Variants in AFF2 observed in about 807,000 individuals in gnomAD.
AFF2 encodes ALF transcription elongation factor 2.
A neutral mutation model predicts 76.9 loss-of-function variants in AFF2; 14 were observed. The ratio of observed to expected loss-of-function variants is 0.18; its 90% CI spans 0.12 to 0.28. AFF2 has a LOEUF of 0.28. Ranked by LOEUF, AFF2 falls within the 10% of genes least tolerant of loss-of-function variation. The probability of loss-of-function intolerance (pLI) is 1.00; values close to 1 mark genes in which losing one functional copy is unlikely to be tolerated. For missense variants in AFF2, 868 were observed against 1,001.1 expected (o/e 0.87, Z 1.79); for synonymous variants, 398 against 366.7 (o/e 1.09, Z -0.98).
Position 148,617,271 on chromosome X carries a change from C to T in AFF2, c.48-34728C>T, listed in dbSNP as rs368198687. ...ACTTTTTAATGATCGCCATTCTAAC[C>T]GGTGTGAGATGGTATCTCATTGTGG... On this transcript the variant is annotated intron_variant, in intron 1 of 20. Coordinates refer to ENST00000370460, the MANE Select transcript of AFF2 (RefSeq NM_002025.4). 8.9e-4 allele frequency among the ~76,000 whole-genome samples: 98 copies of T among 109,646 alleles called. No homozygotes were observed. The East Asian group carries it at 0.01, about 11-fold the overall frequency.
At chrX:148,794,077 C>G (rs985636773) in intron 3 of AFF2, among the ~76,000 whole-genome samples, 7 of 112,281 alleles carry the variant, frequency 6.2e-5, no homozygotes, top group Non-Finnish European at 1.3e-4. Context: ...GCCTCTGCTG[C>G]ACCTGTAGTA....
chrX:148,839,170 T>G (rs1341595377), intron 5 of AFF2, among the ~76,000 whole-genome samples: 1 of 112,355 alleles, frequency 8.9e-6, no homozygotes, highest in Admixed American at 9.4e-5. Flanking sequence ...GCTTTTATAG[T>G]TAAGTGCACA....
At chrX:148,981,025 G>C (rs1313839931) in intron 19 of AFF2, among the ~76,000 whole-genome samples, 1 of 111,994 alleles carries the variant, frequency 8.9e-6, no homozygotes, top group African/African-American at 3.3e-5. Context: ...AAAAATATCT[G>C]CTAATAAGAT....
intron 9 of AFF2, among the ~76,000 whole-genome samples, chrX:148,943,967 G>C (rs1377579269): frequency 1.8e-5 from 2 of 112,288 alleles, no homozygotes; most frequent in East Asian, 5.6e-4. Context: ...CATCACAAAA[G>C]AGATGTAGTC....
intron 3 of AFF2, among the ~76,000 whole-genome samples, chrX:148,783,560 C>T (rs1052270232): frequency 9.0e-6 from 1 of 111,729 alleles, no homozygotes; most frequent in Non-Finnish European, 1.9e-5. Flanking sequence ...TTGTTCCTCT[C>T]ATTTCTGTTA....
intron 7 of AFF2, among the ~76,000 whole-genome samples, chrX:148,882,585 A>G (rs2071110320): frequency 9.0e-6 from 1 of 111,635 alleles, no homozygotes; most frequent in Non-Finnish European, 1.9e-5. Flanking sequence ...CATTTATATG[A>G]GCAATTTTTT....
At chrX:148,702,356 C>T (rs2054810641) in intron 3 of AFF2, among the ~76,000 whole-genome samples, 1 of 111,671 alleles carries the variant, frequency 9.0e-6, no homozygotes, top group East Asian at 2.8e-4. Flanking sequence ...TTGTTGATAA[C>T]TGGGAACAAT....
rs782755335 is a variant in AFF2 at position 148,980,755 on chromosome X, C to T, written c.3588C>T (p.Val1196=). The T allele has an allele frequency of 1.8e-5, 22 of 1,197,301 alleles. No individual in the cohort carries two copies. Among genetic ancestry groups the T allele is most frequent in the Admixed American group, 1.3e-4 (6 of 45,444 alleles). ...TCTTTTAGCAAAATGCTTCAAAAGTCGCACAGATACCCTCTCCATGGGTAA... is the reference window on the plus strand; with the variant it reads ...TCTTTTAGCAAAATGCTTCAAAAGTTGCACAGATACCCTCTCCATGGGTAA... ...MEYFKQNASK[V]AQIPSPWVSN... is the part of the protein sequence containing the mutation. The change falls in exon 19 of 21, where the codon GTC becomes GTT. Residue 1196 remains valine, a synonymous_variant. Coordinates refer to ENST00000370460, the MANE Select transcript of AFF2 (RefSeq NM_002025.4).
At chrX:148,911,928 T>C (rs782504672) in intron 9 of AFF2, among the ~76,000 whole-genome samples, 1 of 112,058 alleles carries the variant, frequency 8.9e-6, no homozygotes, top group East Asian at 2.8e-4. Flanking sequence ...CGTAGAGATA[T>C]ATGCACGTGT....
In AFF2 at chrX:148,662,537, C is replaced by T; in HGVS notation, c.810C>T (p.Phe270=). 1 of 1,211,950 alleles carries T rather than the reference C, an allele frequency of 8.3e-7. No homozygotes were observed. Among genetic ancestry groups the T allele is most frequent in the Non-Finnish European group, 1.1e-6 (1 of 895,587 alleles). ...GCAGTGGCCTTTCAGTTCAAAACTT[C>T]CCACCAGGGCTTTACTGCAAAACAA... The part of the protein sequence containing the change: ...APSSGLSVQN[F]PPGLYCKTSM... Residue 270 remains phenylalanine (F), a synonymous_variant, in exon 3 of 21, where the codon TTC becomes TTT. Transcript: ENST00000370460.
chrX:148,938,126 G>A (rs1484158908), intron 9 of AFF2, among the ~76,000 whole-genome samples: 1 of 112,134 alleles, frequency 8.9e-6, no homozygotes, highest in Non-Finnish European at 1.9e-5. Flanking sequence ...GGAGTCTTAT[G>A]TATTCCCTCT....
chrX:148,818,166 CTATTTGTACATTATACATATAT>C (rs2070288795), intron 4 of AFF2, among the ~76,000 whole-genome samples: 1 of 111,635 alleles, frequency 9.0e-6, no homozygotes, highest in Non-Finnish European at 1.9e-5. Context: ...AAAATGGTTA[CTATTTGTACATTATACATATAT>C]TGTTTTCCTG....
At chrX:148,773,692 A>AGG (rs1557268278) in intron 3 of AFF2, among the ~76,000 whole-genome samples, 1 of 74,284 alleles carries the variant, frequency 1.3e-5, no homozygotes, top group East Asian at 3.5e-4. Context: ...GAAGGAAAGA[A>AGG]AGAAAGAAAG....
chrX:148,947,400 C>G (rs2071913407), intron 9 of AFF2, among the ~76,000 whole-genome samples: 1 of 112,243 alleles, frequency 8.9e-6, no homozygotes, highest in South Asian at 3.7e-4. Context: ...CTGCTGGGGA[C>G]ATAGGCTCCC....
chrX:148,565,622 T>C (rs2053161088), intron 1 of AFF2, among the ~76,000 whole-genome samples: 1 of 111,376 alleles, frequency 9.0e-6, no homozygotes, highest in African/African-American at 3.3e-5. Flanking sequence ...GGTACAAATA[T>C]AATGTGTAGC....
chrX:148,651,908 T>G, intron 1 of AFF2, 91 bp from the exon 2 acceptor site: 1 of 910,265 alleles, frequency 1.1e-6, no homozygotes, highest in Non-Finnish European at 1.5e-6. Context: ...TGACTTGAAT[T>G]TTTTTCTTAT....
chrX:148,634,284 A>G (rs782818156), intron 1 of AFF2, among the ~76,000 whole-genome samples: 2 of 111,793 alleles, frequency 1.8e-5, no homozygotes, highest in East Asian at 2.8e-4. Flanking sequence ...CTTATTATCA[A>G]TAAAATGGAT....
chrX:148,780,957 A>G (rs1256291149), intron 3 of AFF2, among the ~76,000 whole-genome samples: 2 of 111,257 alleles, frequency 1.8e-5, no homozygotes, highest in Non-Finnish European at 3.8e-5. Context: ...CTTTTTGTGG[A>G]TGTTGATGCT....
chrX:148,603,475 C>G (rs1440184562), intron 1 of AFF2, among the ~76,000 whole-genome samples: 5 of 108,457 alleles, frequency 4.6e-5, no homozygotes, highest in South Asian at 3.9e-4. Flanking sequence ...TTTCCCCCAT[C>G]ATTGCCTTGG....
Sources: gnomAD v4.1 joint callset for allele counts (sites outside exome capture counted in the v4.1 genomes callset) on GRCh38, gnomAD v4.1.1 for gene constraint, MANE v1.5 for transcripts, NCBI Gene and HGNC (gene_info 2026-07-23, HGNC 2026-07-21) for gene names.